ZNF195: variants seen among roughly 807,000 people sequenced by gnomAD.
ZNF195 encodes the protein hypoxia-regulated factor-1.
In ZNF195, 11 loss-of-function variants were observed where a neutral mutation model predicts 19.5. The observed-to-expected ratio is 0.57, with a 90% confidence interval of 0.36 to 0.94. ZNF195 has a LOEUF of 0.94. Ranked by LOEUF, ZNF195 falls within the 40% of genes least tolerant of loss-of-function variation. The pLI is 0.01. For missense variants in ZNF195, 582 were observed against 709.0 expected (o/e 0.82, Z 2.03); for synonymous variants, 214 against 248.1 (o/e 0.86, Z 1.29).
chr11:3,367,169 A>G (rs982593671), intron 3 of ZNF195: 3 of 272,220 alleles, frequency 1.1e-5, no homozygotes, highest in South Asian at 3.2e-5. Flanking sequence ...AAAGCAACTC[A>G]GGACTTAGAA....
chr11:3,366,970 T>A lies in ZNF195; in HGVS notation c.226+4005A>T, dbSNP rs576885931. The A allele has an allele frequency of 8.2e-5, 37 of 448,836 alleles. No homozygotes were observed. In the East Asian group the frequency reaches 2.0e-3, roughly 24 times the overall value. 27.8% of individuals were successfully genotyped at this position (448,836 alleles called of 1,614,324 possible). A position where few individuals can be genotyped will look rare whatever the true frequency, so the allele number is the denominator to read the frequency against. On this transcript the variant is annotated intron_variant, in intron 3 of 5. Transcript: ENST00000399602. Reference sequence around the variant, plus strand: ...GTTCCAGGTCCTCAGGAGGCTGAAGTGGGAAGAAGGCTCGAGCCCAGGAAG... The same window carrying A: ...GTTCCAGGTCCTCAGGAGGCTGAAGAGGGAAGAAGGCTCGAGCCCAGGAAG...
At chr11:3,360,878 T>A in intron 4 of ZNF195, 90 bp from the exon 5 acceptor site, 1 of 1,115,450 alleles carries the variant, frequency 9.0e-7, no homozygotes, top group Non-Finnish European at 1.3e-6. Flanking sequence ...CCTTTAAGAG[T>A]ACACCCTCAG....
chr11:3,366,671 TA>T (rs34558476), intron 3 of ZNF195: 368 of 157,012 alleles, frequency 2.3e-3, no homozygotes, highest in South Asian at 0.013. Context: ...ATGGCCACAG[TA>T]AAAAAAAAAA....
intron 1 of ZNF195, among the ~76,000 whole-genome samples, chr11:3,376,701 C>T (rs1038411250): frequency 6.6e-6 from 1 of 152,232 alleles, no homozygotes; most frequent in Admixed American, 6.5e-5. Flanking sequence ...ATGAACTTGT[C>T]ATTTAACTAT....
At chr11:3,362,276 T>C (rs1004608240) in intron 3 of ZNF195, among the ~76,000 whole-genome samples, 29 of 152,118 alleles carry the variant, frequency 1.9e-4, no homozygotes, top group Non-Finnish European at 1.9e-4. Context: ...TGCTATAAAA[T>C]AATATATAAT....
chr11:3,378,231 A>T (rs916229726), intron 1 of ZNF195, among the ~76,000 whole-genome samples: 5 of 151,768 alleles, frequency 3.3e-5, no homozygotes, highest in Non-Finnish European at 7.4e-5. Flanking sequence ...AATTGATTGA[A>T]CCCGGGAGGC....
intron 1 of ZNF195, chr11:3,375,747 A>G (rs1849429361): frequency 6.6e-6 from 1 of 152,228 alleles, no homozygotes; most frequent in African/African-American, 2.4e-5. Flanking sequence ...GAAAAACTGG[A>G]GTAATTCCCA....
chr11:3,378,766 C>T (rs1415140106), intron 1 of ZNF195, among the ~76,000 whole-genome samples: 1 of 152,260 alleles, frequency 6.6e-6, no homozygotes, highest in East Asian at 1.9e-4. Context: ...GCACAAACCA[C>T]CCACGGAGTC....
intron 1 of ZNF195, among the ~76,000 whole-genome samples, chr11:3,373,182 G>A (rs1256077940): frequency 1.3e-5 from 2 of 152,112 alleles, no homozygotes; most frequent in Non-Finnish European, 2.9e-5. Context: ...GTCCTGTTCT[G>A]CATGCAGCTT....
intron 3 of ZNF195, chr11:3,362,096 T>C (rs973637979): frequency 5.0e-6 from 2 of 396,826 alleles, no homozygotes; most frequent in Non-Finnish European, 1.0e-5. Flanking sequence ...GGGAATTGGA[T>C]GAGATAGTCT....
chr11:3,357,940 C>T lies in ZNF195; in HGVS notation c.*1178G>A, dbSNP rs1589796870. The stretch of plus-strand genomic sequence containing the variant: ...AGAGACCCAAAGTCAGGCAAGCAAG[C>T]TTTATTGAGCTGCTTGGCTGCTCCA... On this transcript the variant is annotated 3_prime_UTR_variant, in exon 6 of 6. Coordinates refer to ENST00000399602, the MANE Select transcript of ZNF195 (RefSeq NM_001130520.3). 1 of 152,174 alleles carries T rather than the reference C, an allele frequency of 6.6e-6. No homozygotes were observed. Among genetic ancestry groups the T allele is most frequent in the East Asian group, 1.9e-4 (1 of 5,152 alleles). The allele number at this position is 152,174 out of a possible 1,614,324, so 9.4% of individuals were successfully genotyped here.
intron 3 of ZNF195, among the ~76,000 whole-genome samples, chr11:3,366,307 T>C (rs913193544): frequency 3.6e-5 from 5 of 140,218 alleles, no homozygotes; most frequent in African/African-American, 1.3e-4. Context: ...GAAGAAAATA[T>C]AGGACAGCAA....
chr11:3,377,151 C>T (rs978456938), intron 1 of ZNF195, among the ~76,000 whole-genome samples: 1 of 152,134 alleles, frequency 6.6e-6, no homozygotes, highest in Non-Finnish European at 1.5e-5. Context: ...ATTTTCTTAC[C>T]TTTCAAGCTC....
At chr11:3,367,143 T>A in intron 3 of ZNF195, 1 of 316,900 alleles carries the variant, frequency 3.2e-6, no homozygotes, top group Non-Finnish European at 6.3e-6. Flanking sequence ...TTTCTAGATC[T>A]ATATCAAAAG....
In ZNF195 at chr11:3,373,674, G is replaced by A. The variant is rs1849322331; in HGVS notation, c.4-1971C>T. 3.9e-6 allele frequency: 6 copies of A among 1,535,628 alleles called. No homozygotes were observed. In the African/African-American group the frequency reaches 5.5e-5, roughly 14 times the overall value. On this transcript the variant is annotated intron_variant, in intron 1 of 5. Coordinates refer to ENST00000399602, the MANE Select transcript of ZNF195 (RefSeq NM_001130520.3). ...AATCACACCTGCATCGTGAGAATAT[G>A]CCTTTAAAGGTGTTAGCACAACCCC...
At position 3,359,389 on chromosome 11, in the gene ZNF195, T is replaced by C. The variant is rs1214728637; in HGVS notation, c.1619A>G (p.His540Arg). Reference protein sequence around the residue: ...NFTQSSNLIVHKRIHTGEKPY... With the variant: ...NFTQSSNLIVRKRIHTGEKPY... ...TTTCTCTCCAGTATGAATTCTCTTATGTACAATAAGGTTGGAGGACTGGGT... is the reference window on the plus strand; with the variant it reads ...TTTCTCTCCAGTATGAATTCTCTTACGTACAATAAGGTTGGAGGACTGGGT... Residue 540 changes from histidine to arginine, a missense_variant, in exon 6 of 6, where the codon CAT becomes CGT. Physicochemically the swap from His to Arg is conservative, Grantham distance 29 (BLOSUM62 0). Coordinates refer to ENST00000399602, the MANE Select transcript of ZNF195 (RefSeq NM_001130520.3). This position sits in a 1 kb window ranked among gnomAD's most constrained non-coding sequence, Gnocchi z 5.5. 6.2e-7 allele frequency: 1 copy of C among 1,614,212 alleles called. No individual in the cohort carries two copies.
At chr11:3,362,165 TAAAAA>T (rs1848666616) in intron 3 of ZNF195, 2 of 263,610 alleles carry the variant, frequency 7.6e-6, no homozygotes, top group African/African-American at 4.5e-5. Context: ...TACAAAATCA[TAAAAA>T]ATAAAGGCTT....
At chr11:3,371,467 G>C in intron 2 of ZNF195, 110 bp downstream of exon 2, 1 of 1,387,544 alleles carries the variant, frequency 7.2e-7, no homozygotes, top group Non-Finnish European at 9.9e-7. Context: ...TTAAAAGCAG[G>C]GATCTGAAAC....
intron 3 of ZNF195, among the ~76,000 whole-genome samples, chr11:3,367,798 G>A (rs1254712790): frequency 1.3e-5 from 2 of 152,054 alleles, no homozygotes; most frequent in African/African-American, 2.4e-5. Flanking sequence ...CTTGCCGGGT[G>A]CAGTGGTTCA....
Sources: allele counts gnomAD v4.1 joint callset (sites outside exome capture counted in the v4.1 genomes callset), GRCh38; gene constraint gnomAD v4.1.1; non-coding constraint Gnocchi (gnomAD v3.1); transcripts MANE v1.5; gene names NCBI Gene and HGNC (gene_info 2026-07-23, HGNC 2026-07-21).